DPP3: variants seen among roughly 807,000 people sequenced by gnomAD.
DPP3 encodes dipeptidyl peptidase 3.
In DPP3, 64 loss-of-function variants were observed where a neutral mutation model predicts 89.8. The ratio of observed to expected loss-of-function variants is 0.71; its 90% CI spans 0.58 to 0.88. DPP3 has a LOEUF of 0.88. Among genes scored for constraint, DPP3 ranks in the 40% least tolerant of loss-of-function variants. The probability of loss-of-function intolerance (pLI) is 0.00; values close to 1 mark genes in which losing one functional copy is unlikely to be tolerated. For synonymous variants in DPP3, 377 were observed against 404.3 expected (o/e 0.93, Z 0.81); for missense variants, 835 against 972.5 (o/e 0.86, Z 1.88).
intron 7 of DPP3, 32 bp downstream of exon 7, chr11:66,491,415 C>T: frequency 6.2e-7 from 1 of 1,608,886 alleles, no homozygotes. Context: ...GGGGTGCGGG[C>T]TGAGGACCCC....
chr11:66,497,593 T>C (rs768357349), intron 16 of DPP3, 116 bp downstream of exon 16: 5 of 1,388,456 alleles, frequency 3.6e-6, no homozygotes, highest in Non-Finnish European at 4.8e-6. Context: ...TGAGGAAAGG[T>C]AGCCAGTAAA....
chr11:66,485,165 C>T lies in DPP3; in HGVS notation c.271-8C>T. ...TTCCTGGGTCTCTGATGCCTGCCTC[C>T]CCCTCAGGCGTTCCTGGTCTATGCC... On this transcript the variant is annotated splice_polypyrimidine_tract_variant and splice_region_variant and intron_variant, in intron 2 of 17. Transcript: ENST00000531863. 5.0e-6 allele frequency: 8 copies of T among 1,613,960 alleles called. No individual in the cohort carries two copies. Among genetic ancestry groups the T allele is most frequent in the Non-Finnish European group, 6.8e-6 (8 of 1,179,926 alleles).
At chr11:66,485,151 C>T (rs200001765) in intron 2 of DPP3, 22 bp from the exon 3 acceptor site, 6 of 1,612,428 alleles carry the variant, frequency 3.7e-6, no homozygotes, top group Non-Finnish European at 4.2e-6. Flanking sequence ...TCCTGGGTCT[C>T]TGATGCCTGC....
rs200352856 is a variant in DPP3 at position 66,492,891 on chromosome 11, C to T, written c.1164C>T (p.Ala388=). ...CCTTCGCTGGCTCCGGCATCCCTGC[C>T]GGCATCAACATCCCCAACTGTGAGT... ...VLTFAGSGIP[A]GINIPNYDDL... Residue 388 remains alanine (A), a synonymous_variant, in exon 10 of 18, where the codon GCC becomes GCT. Coordinates refer to ENST00000531863, the MANE Select transcript of DPP3 (RefSeq NM_130443.4). The T allele has an allele frequency of 2.7e-5, 43 of 1,611,926 alleles. No individual in the cohort carries two copies. The highest frequency in any genetic ancestry group is 1.0e-4 in the Admixed American group (6 of 59,702).
intron 16 of DPP3, among the ~76,000 whole-genome samples, chr11:66,503,846 C>T (rs944588991): frequency 6.6e-6 from 1 of 151,772 alleles, no homozygotes; most frequent in Admixed American, 6.6e-5. Flanking sequence ...AAGATTGTGC[C>T]ATTGCACTCC....
rs766897292 is a variant in DPP3, at chr11:66,487,235, C to T, written c.499-33C>T. The T allele has an allele frequency of 3.1e-6, 5 of 1,610,282 alleles. No homozygotes were observed. In the African/African-American group the frequency reaches 5.3e-5, roughly 17 times the overall value. ...CCCTGCAGCCCTGACCTTGGCAACT[C>T]CTCTTTCTCATGTCCCCTGTCTTCC... On this transcript the variant is annotated intron_variant, in intron 4 of 17. Transcript: ENST00000531863.
rs752975225 is a variant in DPP3, at chr11:66,495,506, C to T, written c.1577+17C>T. ...AGTGCTGGAGTAAGAGCAGCAGGGC[C>T]GAGGGGCGGGCTGTCCCGCTGCAGT... On this transcript the variant is annotated intron_variant, in intron 14 of 17. Coordinates refer to ENST00000531863, the MANE Select transcript of DPP3 (RefSeq NM_130443.4). The T allele has an allele frequency of 2.8e-5, 45 of 1,609,480 alleles. No homozygotes were observed. In the Middle Eastern group the frequency reaches 5.1e-4, roughly 18 times the overall value.
chr11:66,502,689 C>G (rs1381973117), intron 16 of DPP3, among the ~76,000 whole-genome samples: 1 of 152,218 alleles, frequency 6.6e-6, no homozygotes, highest in African/African-American at 2.4e-5. Context: ...TGGTCTCGAT[C>G]TCCTGACCTC....
chr11:66,486,735 C>A, intron 4 of DPP3, 58 bp downstream of exon 4: 1 of 1,429,338 alleles, frequency 7.0e-7, no homozygotes. Context: ...TCAAGGCCAC[C>A]TGGTAAGGAG....
chr11:66,505,102 T>G (rs1855768470), intron 17 of DPP3, among the ~76,000 whole-genome samples: 1 of 152,104 alleles, frequency 6.6e-6, no homozygotes, highest in African/African-American at 2.4e-5. Flanking sequence ...TTAGACCTGT[T>G]GGGTACCCAG....
Position 66,487,937 on chromosome 11 carries a change from G to A in DPP3, c.597G>A (p.Arg199=). Residue 199 remains arginine, a synonymous_variant, in exon 6 of 18, where the codon CGG becomes CGA. Transcript: ENST00000531863. The part of the protein sequence containing the change: ...DSQNLSAYNT[R]LFKEVDGEGK... ...AGAACCTCAGTGCCTACAACACCCG[G>A]CTCTTCAAAGAGGTCGATGGAGAAG... is the stretch of plus-strand genomic sequence containing the variant. The A allele has an allele frequency of 6.2e-7, 1 of 1,614,000 alleles. No homozygotes were observed. Among genetic ancestry groups the A allele is most frequent in the South Asian group, 1.1e-5 (1 of 91,084 alleles).
At chr11:66,487,238 C>G in intron 4 of DPP3, 30 bp from the exon 5 acceptor site, 1 of 1,611,836 alleles carries the variant, frequency 6.2e-7, no homozygotes, top group Non-Finnish European at 8.5e-7. Context: ...GGCAACTCCT[C>G]TTTCTCATGT....
chr11:66,498,056 C>T (rs1462100575), intron 16 of DPP3, among the ~76,000 whole-genome samples: 1 of 150,794 alleles, frequency 6.6e-6, no homozygotes, highest in Non-Finnish European at 1.5e-5. Context: ...CCTCAACCTC[C>T]CGAGTAGCTG....
chr11:66,501,944 TCCCAG>T (rs1855687088), intron 16 of DPP3, among the ~76,000 whole-genome samples: 1 of 151,632 alleles, frequency 6.6e-6, no homozygotes, highest in Non-Finnish European at 1.5e-5. Flanking sequence ...ACGCCTGTAA[TCCCAG>T]CACTTTGGGA....
intron 16 of DPP3, among the ~76,000 whole-genome samples, chr11:66,503,205 G>A (rs1473840378): frequency 1.3e-5 from 2 of 151,886 alleles, no homozygotes. Context: ...GACCTCAGGT[G>A]ATCCGCCTGC....
At chr11:66,493,703 C>CA in intron 12 of DPP3, 70 bp downstream of exon 12, 2 of 1,476,852 alleles carry the variant, frequency 1.4e-6, no homozygotes, top group South Asian at 2.5e-5. Context: ...CCCTACCCAG[C>CA]GGTGAAGCTG....
chr11:66,487,317 T>C lies in DPP3; in HGVS notation c.548T>C (p.Leu183Ser), dbSNP rs769840950. 3.4e-5 allele frequency: 55 copies of C among 1,614,022 alleles called. No homozygotes were observed. In the South Asian group the frequency reaches 4.1e-4, roughly 12 times the overall value. ...SGNCTMEDAK[L>S]AQDFLDSQNL... ...AATTGTACCATGGAAGATGCCAAAT[T>C]GGCCCAGGACTTTCTGGACTCACAG... The change falls in exon 5 of 18, where the codon TTG becomes TCG. Residue 183 changes from leucine (L) to serine (S), a missense_variant. Leu to Ser is a moderately radical substitution (Grantham distance 145). Transcript: ENST00000531863.
At position 66,491,724 on chromosome 11, in the gene DPP3, G is replaced by T. The variant is rs138010216; in HGVS notation, c.956G>T (p.Arg319Leu). The change falls in exon 9 of 18, where the codon CGC becomes CTC. Residue 319 changes from arginine to leucine, a missense_variant. Physicochemically the swap from Arg to Leu is moderately radical, Grantham distance 102. Coordinates refer to ENST00000531863, the MANE Select transcript of DPP3 (RefSeq NM_130443.4). ...TACATCGGGTTCATCGAGAGCTACC[G>T]CGACCCCTTTGGTTCCCGAGGAGAA... ...ESYIGFIESYRDPFGSRGEFE... is the reference protein window; with the variant it reads ...ESYIGFIESYLDPFGSRGEFE... The T allele has an allele frequency of 6.2e-7, 1 of 1,605,004 alleles. No homozygotes were observed. The highest frequency in any genetic ancestry group is 1.1e-5 in the South Asian group (1 of 90,856).
Position 66,504,736 on chromosome 11 carries a change from C to A in DPP3, c.2003C>A (p.Ser668Tyr), listed in dbSNP as rs146568792. 1.7e-3 allele frequency: 2,815 copies of A among 1,612,830 alleles called. 9 individuals are homozygous for A. The highest frequency in any genetic ancestry group is 2.2e-3 in the Non-Finnish European group (2,566 of 1,179,592). ...LRDTVLLRKESRKLIVQPNTR... is the reference protein window; with the variant it reads ...LRDTVLLRKEYRKLIVQPNTR... ...GACACGGTGCTGCTGCGTAAGGAAT[C>A]TCGGAAGCTCATTGTTCAGCCCAAC... The change falls in exon 17 of 18, where the codon TCT becomes TAT. Residue 668 changes from serine (S) to tyrosine (Y), a missense_variant. Transcript: ENST00000531863.
Sources: allele counts gnomAD v4.1 joint callset (sites outside exome capture counted in the v4.1 genomes callset), GRCh38; gene constraint gnomAD v4.1.1; transcripts MANE v1.5; gene names NCBI Gene and HGNC (gene_info 2026-07-23, HGNC 2026-07-21).